Variants in DPH6 observed in about 807,000 individuals in gnomAD.
DPH6 encodes diphthamine biosynthesis 6, also known as diphthine--ammonia ligase.
In DPH6, 33 loss-of-function variants were observed where a neutral mutation model predicts 38.2. The ratio of observed to expected loss-of-function variants is 0.86; its 90% CI spans 0.65 to 1.15. The LOEUF is 1.15. Among genes scored for constraint, DPH6 ranks in the 50% most tolerant of loss-of-function variants. The pLI, the probability that DPH6 is intolerant of heterozygous loss-of-function variation, is 0.00. For synonymous variants in DPH6, 108 were observed against 103.0 expected (o/e 1.05, Z -0.30); for missense variants, 325 against 320.0 (o/e 1.02, Z -0.12).
the DPH6 span, among the ~76,000 whole-genome samples, chr15:35,199,687 C>G: frequency 2.6e-4 from 39 of 151,178 alleles, no homozygotes; most frequent in Non-Finnish European, 4.9e-4. Context: ...AAGTTTTTAT[C>G]TAGAGATTGC....
intron 3 of DPH6, among the ~76,000 whole-genome samples, chr15:35,537,252 C>T (rs1045522343): frequency 6.6e-6 from 1 of 152,046 alleles, no homozygotes; most frequent in African/African-American, 2.4e-5. Flanking sequence ...TCTGAAAAAA[C>T]TGAACTTCTC....
intron 3 of DPH6, among the ~76,000 whole-genome samples, chr15:35,459,093 A>G (rs182355956): frequency 6.6e-6 from 1 of 152,348 alleles, no homozygotes; most frequent in Admixed American, 6.5e-5. Context: ...TTTGTTTGCT[A>G]GGTATCTTTG....
At chr15:35,283,756 G>GCACA (rs757887783) in intron 3 of DPH6, among the ~76,000 whole-genome samples, 1 of 123,652 alleles carries the variant, frequency 8.1e-6, no homozygotes, top group Non-Finnish European at 1.6e-5. Flanking sequence ...GGCACAGATA[G>GCACA]TACACACACA....
intron 3 of DPH6, among the ~76,000 whole-genome samples, chr15:35,341,510 C>T (rs1359007037): frequency 6.6e-6 from 1 of 152,030 alleles, no homozygotes. Flanking sequence ...GGCTTATTTT[C>T]CTTTGATCTT....
At chr15:35,386,696 T>C (rs1175973563) in intron 6 of DPH6, among the ~76,000 whole-genome samples, 2 of 152,144 alleles carry the variant, frequency 1.3e-5, no homozygotes, top group African/African-American at 4.8e-5. Context: ...GGAGTTGTTT[T>C]TTTCTTGTAA....
chr15:35,229,176 C>G (rs911260370), intron 3 of DPH6, among the ~76,000 whole-genome samples: 5 of 152,108 alleles, frequency 3.3e-5, no homozygotes, highest in Admixed American at 2.0e-4. Flanking sequence ...AGGCCAATTA[C>G]TCTTAAATTT....
chr15:35,460,740 G>A (rs887480106), intron 3 of DPH6, among the ~76,000 whole-genome samples: 7 of 152,212 alleles, frequency 4.6e-5, no homozygotes, highest in African/African-American at 1.7e-4. Flanking sequence ...AGGCATCACA[G>A]GCCCATTTGT....
chr15:35,198,233 A>T, the DPH6 span, among the ~76,000 whole-genome samples: 1 of 151,998 alleles, frequency 6.6e-6, no homozygotes. Flanking sequence ...CTAGGCTTCT[A>T]ATTTTTAAGG....
At chr15:35,180,392 AACACACACACACACACACAC>A in the DPH6 span, among the ~76,000 whole-genome samples, 403 of 140,594 alleles carry the variant, frequency 2.9e-3, 3 homozygotes, top group Middle Eastern at 0.022. Context: ...TTGGTTTTAA[AACACACACACACACACACAC>A]ACACACACAC....
intron 4 of DPH6, 79 bp from the exon 5 acceptor site, chr15:35,450,882 G>T: frequency 8.9e-7 from 1 of 1,123,976 alleles, no homozygotes; most frequent in Non-Finnish European, 1.3e-6. Context: ...ACTTTGATTT[G>T]AAACATAATG....
intron 3 of DPH6, among the ~76,000 whole-genome samples, chr15:35,301,149 T>C (rs1376632888): frequency 1.3e-5 from 2 of 152,156 alleles, no homozygotes; most frequent in Admixed American, 6.5e-5. Context: ...TTTGAGAAAT[T>C]TAAAACCGTA....
At chr15:35,372,583 A>G (rs2052727786) in intron 8 of DPH6, among the ~76,000 whole-genome samples, 1 of 151,928 alleles carries the variant, frequency 6.6e-6, no homozygotes, top group Non-Finnish European at 1.5e-5. Context: ...CAGCTTTTTG[A>G]TAAAAGGTCA....
Position 35,237,584 on chromosome 15 carries a change from T to C in DPH6, n.201-17002A>G, listed in dbSNP as rs1387590763. ...GGGCGTGGAAGCATTGGCAGAAAAG[T>C]GTCCGAACCTCACGCATCTAAATTT... On this transcript the variant is annotated intron_variant and non_coding_transcript_variant, in intron 3 of 3. Transcript: ENST00000560386. 1.3e-5 allele frequency: 20 copies of C among 1,579,084 alleles called. No individual in the cohort carries two copies. The Admixed American group carries it at 3.3e-4, about 26-fold the overall frequency.
intron 3 of DPH6, among the ~76,000 whole-genome samples, chr15:35,490,747 A>G (rs561195034): frequency 1.3e-5 from 2 of 152,286 alleles, no homozygotes; most frequent in East Asian, 1.9e-4. Context: ...CGAAAGCCAC[A>G]TTGCTTAAAC....
intron 5 of DPH6, among the ~76,000 whole-genome samples, chr15:35,411,655 T>C (rs2053368713): frequency 6.6e-6 from 1 of 151,614 alleles, no homozygotes; most frequent in Admixed American, 6.6e-5. Context: ...ATGTCACAAG[T>C]GGGCTATGAA....
intron 1 of DPH6, among the ~76,000 whole-genome samples, chr15:35,543,012 T>A (rs1476909523): frequency 1.6e-5 from 2 of 122,238 alleles, no homozygotes; most frequent in African/African-American, 3.0e-5. Flanking sequence ...CTATTCTCTA[T>A]GAGAAAGTAA....
At chr15:35,327,494 T>C (rs1417516784), downstream of DPH6, among the ~76,000 whole-genome samples, 1 of 152,048 alleles carries the variant, frequency 6.6e-6, no homozygotes, top group East Asian at 1.9e-4. Flanking sequence ...CACAGGTGCC[T>C]GCTGCCATGC....
Position 35,489,037 on chromosome 15 carries a change from T to C in DPH6, c.313-34217A>G, listed in dbSNP as rs111732515. Among the ~76,000 whole-genome samples, 646 of 152,310 alleles carry C rather than the reference T, an allele frequency of 4.2e-3. 1 individual carries two copies. The highest frequency in any genetic ancestry group is 7.1e-3 in the Non-Finnish European group (484 of 68,024). On this transcript the variant is annotated intron_variant, in intron 3 of 8. Transcript: ENST00000256538. Reference sequence around the variant, plus strand: ...TTATCTATTTACCACTCACTATCTATGTGGCACCCACAGACTTTTTTGTAA... The same window carrying C: ...TTATCTATTTACCACTCACTATCTACGTGGCACCCACAGACTTTTTTGTAA...
chr15:35,399,089 C>A lies in DPH6; in HGVS notation c.567+11746G>T, dbSNP rs113976014. On this transcript the variant is annotated intron_variant, in intron 6 of 8. Transcript: ENST00000256538. ...AATATTAGCATAATAACACAGATTA[C>A]AAGAAATCTGAGGAACATTTCTAAA... Among the ~76,000 whole-genome samples the A allele has an allele frequency of 3.4e-3, 515 of 152,178 alleles. 2 individuals carry two copies. Among genetic ancestry groups the A allele is most frequent in the African/African-American group, 0.011 (476 of 41,524 alleles).
Sources: allele counts gnomAD v4.1 joint callset (sites outside exome capture counted in the v4.1 genomes callset), GRCh38; gene constraint gnomAD v4.1.1; transcripts MANE v1.5; gene names NCBI Gene and HGNC (gene_info 2026-07-23, HGNC 2026-07-21).